The following PAN3 variants were observed in gnomAD, a reference collection of about 807,000 sequenced individuals.
PAN3 encodes the protein PAN2-PAN3 deadenylation complex subunit PAN3.
PAN3 carries 19 observed loss-of-function variants against 96.2 expected under a neutral mutation model. The observed-to-expected ratio is 0.20, with a 90% CI of 0.14 to 0.29. The LOEUF (loss-of-function observed/expected upper bound fraction) is 0.29. PAN3 is among the 10% of genes least tolerant of loss of function. PAN3 has a pLI of 1.00. For synonymous variants in PAN3, 433 were observed against 406.6 expected (o/e 1.06, Z -0.78); for missense variants, 882 against 1,108.1 (o/e 0.80, Z 2.90).
Position 28,272,744 on chromosome 13 carries a change from T to C in PAN3, c.2049+673T>C, listed in dbSNP as rs571806010. On this transcript the variant is annotated intron_variant, in intron 14 of 18. Transcript: ENST00000380958. The stretch of plus-strand genomic sequence containing the variant: ...ACCACCATGCCTGGCTGATTTTGTA[T>C]TTTTAGTAAAGACAGGGTTTCTCCA... Among the ~76,000 whole-genome samples the C allele has an allele frequency of 3.9e-5, 6 of 152,194 alleles. No individual in the cohort carries two copies. In the South Asian group the frequency reaches 1.2e-3, roughly 32 times the overall value.
intron 6 of PAN3, among the ~76,000 whole-genome samples, chr13:28,227,415 G>T (rs893692567): frequency 2.6e-5 from 4 of 152,124 alleles, no homozygotes; most frequent in Non-Finnish European, 5.9e-5. Flanking sequence ...GGAGTGGGTA[G>T]GGATTTCCTT....
chr13:28,187,612 T>G (rs904577484), intron 4 of PAN3, among the ~76,000 whole-genome samples: 2 of 152,238 alleles, frequency 1.3e-5, no homozygotes, highest in African/African-American at 4.8e-5. Flanking sequence ...TAGATAATGT[T>G]TGTCCCCCTC....
At chr13:28,153,187 T>C (rs1476976414) in intron 1 of PAN3, among the ~76,000 whole-genome samples, 1 of 151,718 alleles carries the variant, frequency 6.6e-6, no homozygotes, top group Non-Finnish European at 1.5e-5. Flanking sequence ...GCTTAAAATA[T>C]ATTACTAAAT....
chr13:28,173,426 CT>C (rs1245007043), intron 1 of PAN3, among the ~76,000 whole-genome samples: 4 of 152,028 alleles, frequency 2.6e-5, no homozygotes, highest in African/African-American at 9.7e-5. Context: ...TTAAAATAAA[CT>C]TTTTGTAATT....
chr13:28,163,162 CATA>C (rs772328622), intron 1 of PAN3, among the ~76,000 whole-genome samples: 4 of 151,652 alleles, frequency 2.6e-5, no homozygotes, highest in Non-Finnish European at 5.9e-5. Context: ...AGACCAGCAA[CATA>C]ATGAGACCCT....
At chr13:28,179,363 CAG>C (rs1455240852) in intron 4 of PAN3, among the ~76,000 whole-genome samples, 4 of 152,252 alleles carry the variant, frequency 2.6e-5, no homozygotes, top group East Asian at 1.9e-4. Context: ...TATGGGAAAA[CAG>C]AAAGTCTTTA....
At chr13:28,216,904 T>G (rs1164873868) in intron 5 of PAN3, among the ~76,000 whole-genome samples, 1 of 147,698 alleles carries the variant, frequency 6.8e-6, no homozygotes, top group African/African-American at 2.5e-5. Flanking sequence ...TCTCTTGAGG[T>G]CAGGAGTTCG....
intron 1 of PAN3, among the ~76,000 whole-genome samples, chr13:28,161,202 C>T (rs576860875): frequency 5.0e-4 from 76 of 151,930 alleles, no homozygotes; most frequent in African/African-American, 1.6e-3. Context: ...TTTTCGGGGG[C>T]GGGGAGCTTA....
In PAN3 at chr13:28,242,828, T is replaced by C. The variant is rs577980118; in HGVS notation, c.1001-13464T>C. Among the ~76,000 whole-genome samples the C allele has an allele frequency of 1.6e-4, 25 of 152,340 alleles. No homozygotes were observed. The East Asian group carries it at 4.8e-3, about 29-fold the overall frequency. ...TCCCTCTCCAGTTGTTCCCAGGTTG[T>C]CTTTAATGTCTTTCCACAAAGTTTT... On this transcript the variant is annotated intron_variant, in intron 6 of 18. Transcript: ENST00000380958.
At chr13:28,247,034 A>G (rs1018259886) in intron 6 of PAN3, among the ~76,000 whole-genome samples, 6 of 152,064 alleles carry the variant, frequency 3.9e-5, no homozygotes, top group African/African-American at 1.2e-4. Context: ...TTTCATTCCC[A>G]TCAACAGCAT....
chr13:28,176,289 TG>T (rs1481053920), intron 2 of PAN3, among the ~76,000 whole-genome samples: 1 of 152,198 alleles, frequency 6.6e-6, no homozygotes, highest in East Asian at 1.9e-4. Context: ...TTTGAATACC[TG>T]GGTAGTGAGT....
chr13:28,139,193 C>G (rs1048605721), intron 1 of PAN3, 106 bp downstream of exon 1: 34 of 1,189,884 alleles, frequency 2.9e-5, no homozygotes, highest in African/African-American at 1.7e-4. Context: ...GGCTCCCCCC[C>G]TCACCTCCCA....
chr13:28,234,122 A>G (rs1882858679), intron 6 of PAN3, among the ~76,000 whole-genome samples: 1 of 152,244 alleles, frequency 6.6e-6, no homozygotes, highest in Non-Finnish European at 1.5e-5. Context: ...GGCAGTTAAG[A>G]AGCACTAGTG....
intron 6 of PAN3, among the ~76,000 whole-genome samples, chr13:28,250,268 C>T (rs145004195): frequency 0.016 from 2,469 of 151,944 alleles, 30 homozygotes; most frequent in Non-Finnish European, 0.027. Context: ...GATCATAGCT[C>T]GCTTTACCAT....
chr13:28,283,040 C>T (rs1453696054), intron 17 of PAN3, among the ~76,000 whole-genome samples: 1 of 151,850 alleles, frequency 6.6e-6, no homozygotes, highest in Non-Finnish European at 1.5e-5. Flanking sequence ...CTAGATTGTC[C>T]TCAGAAAATT....
Position 28,293,401 on chromosome 13 carries a change from T to TTTTTG in PAN3, c.*883_*884insGTTTT, listed in dbSNP as rs1869999806. 1 of 141,130 alleles carries TTTTTG rather than the reference T, an allele frequency of 7.1e-6. No individual in the cohort carries two copies. The highest frequency in any genetic ancestry group is 2.7e-5 in the African/African-American group (1 of 37,428). The allele number at this position is 141,130 out of a possible 1,614,324, so 8.7% of individuals were successfully genotyped here. A position where few individuals can be genotyped will look rare whatever the true frequency, so the allele number is the denominator to read the frequency against. ...CCAGTTTGCTGGTTTTTTTTTTTTT[T>TTTTTG]TTTTTTTTTTTTTTTGGGCGGGGGG... On this transcript the variant is annotated 3_prime_UTR_variant, in exon 19 of 19. Transcript: ENST00000380958.
chr13:28,209,370 T>TC (rs780811319), intron 5 of PAN3, among the ~76,000 whole-genome samples: 6 of 152,242 alleles, frequency 3.9e-5, no homozygotes, highest in Admixed American at 3.9e-4. Context: ...GCATACGCAT[T>TC]CCCCCATTCC....
intron 5 of PAN3, among the ~76,000 whole-genome samples, chr13:28,199,722 C>T (rs1443079241): frequency 6.6e-6 from 1 of 151,800 alleles, no homozygotes; most frequent in African/African-American, 2.4e-5. Context: ...AGTAACTTAC[C>T]AATTCCATAC....
At chr13:28,271,656 C>T (rs1051296236) in intron 13 of PAN3, among the ~76,000 whole-genome samples, 5 of 152,134 alleles carry the variant, frequency 3.3e-5, no homozygotes, top group Non-Finnish European at 7.4e-5. Flanking sequence ...TGTTAGAAAG[C>T]TAACTAGTTC....
Sources: allele counts gnomAD v4.1 joint callset (sites outside exome capture counted in the v4.1 genomes callset), GRCh38; gene constraint gnomAD v4.1.1; transcripts MANE v1.5; gene names NCBI Gene and HGNC (gene_info 2026-07-23, HGNC 2026-07-21).